The following SATB2 variants were observed in gnomAD, a reference collection of about 807,000 sequenced individuals.
The protein encoded by SATB2 is SATB homeobox 2, also known as DNA-binding protein SATB2.
A neutral mutation model predicts 73.4 loss-of-function variants in SATB2; 1 was observed. That is an observed-to-expected ratio of 0.01 (90% CI 0.00 to 0.06). The LOEUF (loss-of-function observed/expected upper bound fraction) is 0.06. SATB2 is among the 10% of genes least tolerant of loss of function. SATB2 has a pLI of 1.00. For synonymous variants in SATB2, 397 were observed against 367.0 expected, an observed-to-expected ratio of 1.08 and a Z score of -0.93; for missense variants, 459 against 945.8, an observed-to-expected ratio of 0.49 and a Z score of 6.75.
intron 6 of SATB2, among the ~76,000 whole-genome samples, chr2:199,354,268 A>G (rs967905795): frequency 2.6e-5 from 4 of 152,186 alleles, no homozygotes; most frequent in South Asian, 2.1e-4. Context: ...AGGCAGGAGA[A>G]TCACTTGAAT....
rs1687484299 is a variant in SATB2, at chr2:199,308,020, A to G, written c.1740+740T>C. On this transcript the variant is annotated intron_variant, in intron 10 of 10. Transcript: ENST00000417098. The surrounding 1 kb of genome is among the most constrained non-coding windows in gnomAD (Gnocchi z 4.6). ...GCCCATCTTATAACCTACCAAAACA[A>G]TTTGTGGGCCAAACTCTAGGGGGTC... is the stretch of plus-strand genomic sequence containing the variant. 6.6e-6 allele frequency among the ~76,000 whole-genome samples: 1 copy of G among 152,128 alleles called. No homozygotes were observed. The highest frequency in any genetic ancestry group is 1.5e-5 in the Non-Finnish European group (1 of 68,008).
At chr2:199,297,712 AC>A (rs1262557778) in intron 10 of SATB2, among the ~76,000 whole-genome samples, 4 of 152,080 alleles carry the variant, frequency 2.6e-5, no homozygotes, top group African/African-American at 9.7e-5. Context: ...TTCTTTCACA[AC>A]TTTGTGGATG....
At position 199,328,719 on chromosome 2, in the gene SATB2, G is replaced by C; in HGVS notation, c.1365C>G (p.Pro455=). 1 of 1,613,174 alleles carries C rather than the reference G, an allele frequency of 6.2e-7. No homozygotes were observed. The highest frequency in any genetic ancestry group is 8.5e-7 in the Non-Finnish European group (1 of 1,179,818). Residue 455 remains proline (P), a synonymous_variant, in exon 8 of 11, where the codon CCC becomes CCG. Coordinates refer to ENST00000417098, the MANE Select transcript of SATB2 (RefSeq NM_001172509.2). Reference sequence around the variant, plus strand: ...TCACCTGAGGGGTTCGGGAGGAGCTGGGACTGCTGGAGGCCGAGGAGACCA... The same window carrying C: ...TCACCTGAGGGGTTCGGGAGGAGCTCGGACTGCTGGAGGCCGAGGAGACCA... ...VSMVSSASSS[P]SSSRTPQAKT...
intron 3 of SATB2, among the ~76,000 whole-genome samples, chr2:199,420,123 C>T (rs1263716845): frequency 1.3e-5 from 2 of 152,170 alleles, no homozygotes; most frequent in African/African-American, 4.8e-5. Flanking sequence ...TAGGTCCTGG[C>T]TCCATCACTT....
chr2:199,442,340 C>A (rs989328968), intron 2 of SATB2, among the ~76,000 whole-genome samples: 6 of 152,132 alleles, frequency 3.9e-5, no homozygotes, highest in African/African-American at 1.4e-4. Flanking sequence ...CAGATCACAG[C>A]GCTGTGCGTG....
At chr2:199,347,958 T>C (rs2105821697) in intron 7 of SATB2, 1 of 152,318 alleles carries the variant, frequency 6.6e-6, no homozygotes, top group Non-Finnish European at 1.5e-5. Flanking sequence ...AATCAGAAAC[T>C]ATGGGATGAG....
At chr2:199,333,402 A>G (rs1412706169) in intron 7 of SATB2, among the ~76,000 whole-genome samples, 2 of 151,850 alleles carry the variant, frequency 1.3e-5, no homozygotes, top group African/African-American at 2.4e-5. Context: ...GGATTCAGGG[A>G]AAAAAAATTG....
chr2:199,452,891 A>C (rs1408083188), intron 2 of SATB2, among the ~76,000 whole-genome samples: 2 of 152,110 alleles, frequency 1.3e-5, no homozygotes, highest in East Asian at 3.8e-4. Flanking sequence ...CATCCCAGAA[A>C]GTGTTGGAAA....
intron 10 of SATB2, among the ~76,000 whole-genome samples, chr2:199,293,071 A>G (rs1020524983): frequency 2.4e-4 from 37 of 152,274 alleles, no homozygotes; most frequent in African/African-American, 8.7e-4. Flanking sequence ...ATTTGATCAG[A>G]AAGGGTTAAG....
At chr2:199,305,960 T>G (rs1256053091) in intron 10 of SATB2, among the ~76,000 whole-genome samples, 6 of 152,198 alleles carry the variant, frequency 3.9e-5, no homozygotes, top group Non-Finnish European at 8.8e-5. Flanking sequence ...AACAATTTAA[T>G]AATGGCACAT....
chr2:199,302,326 G>A (rs1468786758), intron 10 of SATB2, among the ~76,000 whole-genome samples: 2 of 152,096 alleles, frequency 1.3e-5, no homozygotes, highest in Non-Finnish European at 2.9e-5. Context: ...GATAACAAAT[G>A]ACTTTCAAAT....
At chr2:199,303,811 G>A (rs867944203) in intron 10 of SATB2, among the ~76,000 whole-genome samples, 4 of 152,256 alleles carry the variant, frequency 2.6e-5, no homozygotes, top group Middle Eastern at 3.4e-3. Context: ...CAATGCTGGT[G>A]TCTGACTGTC....
In SATB2 at chr2:199,433,596, T is replaced by C. The variant is rs946462232; in HGVS notation, c.170-82A>G. 4.0e-6 allele frequency: 5 copies of C among 1,259,592 alleles called. No homozygotes were observed. In the African/African-American group the frequency reaches 7.3e-5, roughly 18 times the overall value. 78.0% of individuals were successfully genotyped at this position (1,259,592 alleles called of 1,614,324 possible). A position where few individuals can be genotyped will look rare whatever the true frequency, so the allele number is the denominator to read the frequency against. ...CCACGATGAGAAGGGAAGCAACAGT[T>C]ATAAAAGTCAGTCATCTGTGATCGA... On this transcript the variant is annotated intron_variant, in intron 2 of 10. Coordinates refer to ENST00000417098, the MANE Select transcript of SATB2 (RefSeq NM_001172509.2).
intron 3 of SATB2, among the ~76,000 whole-genome samples, chr2:199,398,149 T>TA (rs778919613): frequency 2.0e-5 from 3 of 151,786 alleles, no homozygotes; most frequent in African/African-American, 4.9e-5. Context: ...AATCTATCAA[T>TA]AAAAAAACAG....
In SATB2 at chr2:199,456,040, T is replaced by C; in HGVS notation, c.-3A>G. 3 of 1,422,840 alleles carry C rather than the reference T, an allele frequency of 2.1e-6. No homozygotes were observed. The highest frequency in any genetic ancestry group is 2.8e-6 in the Non-Finnish European group (3 of 1,078,652). 88.1% of individuals were successfully genotyped at this position (1,422,840 alleles called of 1,614,324 possible). On this transcript the variant is annotated 5_prime_UTR_variant, in exon 2 of 11. Coordinates refer to ENST00000417098, the MANE Select transcript of SATB2 (RefSeq NM_001172509.2). ...GGGCTCTCGCTCCGCCGCTCCATGC[T>C]GCTCCGACTCGGAGACAAAGTTCCC...
chr2:199,326,278 A>G (rs1450384817), intron 8 of SATB2, among the ~76,000 whole-genome samples: 2 of 152,232 alleles, frequency 1.3e-5, no homozygotes, highest in Non-Finnish European at 2.9e-5. Flanking sequence ...GAGAATGTAC[A>G]AATGCAATGC....
At chr2:199,316,229 C>T (rs893361308) in intron 9 of SATB2, among the ~76,000 whole-genome samples, 11 of 151,212 alleles carry the variant, frequency 7.3e-5, no homozygotes, top group Non-Finnish European at 1.3e-4. Context: ...CTTGTTTCTT[C>T]GTCACCGAAT....
chr2:199,278,020 CT>C (rs1559138768), intron 10 of SATB2, among the ~76,000 whole-genome samples: 1 of 152,042 alleles, frequency 6.6e-6, no homozygotes, highest in Non-Finnish European at 1.5e-5. Flanking sequence ...TGAACAAAGT[CT>C]TTAGAGTAGA....
At position 199,381,840 on chromosome 2, in the gene SATB2, A is replaced by G. The variant is rs1309984102; in HGVS notation, c.347-20T>C. On this transcript the variant is annotated intron_variant, in intron 3 of 10. Coordinates refer to ENST00000417098, the MANE Select transcript of SATB2 (RefSeq NM_001172509.2). Reference sequence around the variant, plus strand: ...TTATTCCTGCACAGGGAAGAAAAACATAATAAACACATATCTGCTATTTAT... The same window carrying G: ...TTATTCCTGCACAGGGAAGAAAAACGTAATAAACACATATCTGCTATTTAT... The G allele has an allele frequency of 3.7e-6, 6 of 1,613,684 alleles. No individual in the cohort carries two copies. Among genetic ancestry groups the G allele is most frequent in the East Asian group, 2.2e-5 (1 of 44,862 alleles).
Sources: gnomAD v4.1 joint callset for allele counts (sites outside exome capture counted in the v4.1 genomes callset) on GRCh38, gnomAD v4.1.1 for gene constraint, Gnocchi (gnomAD v3.1) non-coding constraint, MANE v1.5 for transcripts, NCBI Gene and HGNC (gene_info 2026-07-23, HGNC 2026-07-21) for gene names.